The following SMAD3 variants were observed in gnomAD, a reference collection of about 807,000 sequenced individuals.
SMAD3 encodes MAD homolog 3.
A neutral mutation model predicts 51.8 loss-of-function variants in SMAD3; 12 were observed. The observed-to-expected ratio is 0.23, with a 90% CI of 0.15 to 0.38. The LOEUF (loss-of-function observed/expected upper bound fraction) is 0.38, where lower values mean the gene tolerates loss of function less well. SMAD3 is among the 10% of genes least tolerant of loss of function. The pLI, the probability that SMAD3 is intolerant of heterozygous loss-of-function variation, is 1.00. For synonymous variants in SMAD3, 238 were observed against 227.7 expected, an observed-to-expected ratio of 1.05 and a Z score of -0.41; for missense variants, 294 against 565.6, an observed-to-expected ratio of 0.52 and a Z score of 4.87.
rs2140329381 is a variant in SMAD3 at position 67,191,228 on chromosome 15, C to T, written c.*692C>T. On this transcript the variant is annotated 3_prime_UTR_variant, in exon 9 of 9. Transcript: ENST00000327367. ...GATGAGCGCCACCTCTTTAAAAACT[C>T]ACTTACGTTTGTCCTTTTTCACTTT... is the stretch of plus-strand genomic sequence containing the variant. The T allele has an allele frequency of 4.3e-6, 1 of 233,700 alleles. No homozygotes were observed. The highest frequency in any genetic ancestry group is 6.0e-5 in the East Asian group (1 of 16,732). The allele number at this position is 233,700 out of a possible 1,614,324, so 14.5% of individuals were successfully genotyped here. A position where few individuals can be genotyped will look rare whatever the true frequency, so the allele number is the denominator to read the frequency against.
chr15:67,145,179 A>G (rs2140270125), intron 1 of SMAD3, among the ~76,000 whole-genome samples: 1 of 152,322 alleles, frequency 6.6e-6, no homozygotes, highest in East Asian at 1.9e-4. Context: ...AGACTGTCAG[A>G]AAAGGGACCT....
At chr15:67,178,637 T>C (rs1358008185) in intron 5 of SMAD3, among the ~76,000 whole-genome samples, 1 of 151,626 alleles carries the variant, frequency 6.6e-6, no homozygotes, top group African/African-American at 2.4e-5. Context: ...CACTGATACA[T>C]TGCTTGACCA....
intron 1 of SMAD3, among the ~76,000 whole-genome samples, chr15:67,121,938 C>G (rs965741449): frequency 2.0e-5 from 3 of 152,220 alleles, no homozygotes; most frequent in African/African-American, 7.2e-5. Context: ...ATCCACCACC[C>G]TCATGTGGCT....
chr15:67,190,391 C>T (rs747673997), intron 8 of SMAD3, 22 bp from the exon 9 acceptor site: 16 of 1,612,552 alleles, frequency 9.9e-6, no homozygotes, highest in South Asian at 3.3e-5. Context: ...CCCCACCCCA[C>T]CCCTTTCCCT....
intron 1 of SMAD3, among the ~76,000 whole-genome samples, chr15:67,129,735 C>T (rs533913206): frequency 6.6e-6 from 1 of 152,298 alleles, no homozygotes; most frequent in African/African-American, 2.4e-5. Context: ...TTGTTTAATA[C>T]AGTGTATCCC....
intron 1 of SMAD3, among the ~76,000 whole-genome samples, chr15:67,163,944 T>TAAACAAAAA (rs1962499764): frequency 1.1e-5 from 1 of 87,918 alleles, no homozygotes; most frequent in African/African-American, 4.5e-5. Context: ...GTATCAAAAG[T>TAAACAAAAA]AAAAAAAAAA....
At chr15:67,183,725 G>C (rs1275932633) in intron 6 of SMAD3, among the ~76,000 whole-genome samples, 1 of 152,178 alleles carries the variant, frequency 6.6e-6, no homozygotes, top group African/African-American at 2.4e-5. Context: ...CGAGCAAAGA[G>C]CTCATTGTCA....
At chr15:67,131,487 G>T (rs1961524052) in intron 1 of SMAD3, among the ~76,000 whole-genome samples, 1 of 152,210 alleles carries the variant, frequency 6.6e-6, no homozygotes, top group African/African-American at 2.4e-5. Flanking sequence ...CAATCACAGT[G>T]CTCCTGTTGC....
intron 5 of SMAD3, among the ~76,000 whole-genome samples, chr15:67,178,019 C>T (rs1352063259): frequency 1.3e-5 from 2 of 152,358 alleles, no homozygotes; most frequent in Middle Eastern, 3.4e-3. Context: ...GACTTTGCCA[C>T]TGGCCTGATT....
At chr15:67,119,157 A>AGG (rs1961201764) in intron 1 of SMAD3, among the ~76,000 whole-genome samples, 3 of 152,208 alleles carry the variant, frequency 2.0e-5, no homozygotes, top group African/African-American at 7.2e-5. Context: ...GCAGGGAGAG[A>AGG]CAGAGGAAAA....
At chr15:67,074,999 A>G (rs1434500704) in intron 1 of SMAD3, among the ~76,000 whole-genome samples, 1 of 152,022 alleles carries the variant, frequency 6.6e-6, no homozygotes, top group Non-Finnish European at 1.5e-5. Context: ...GCCAAGTTGT[A>G]ACTCTGAGGT....
At chr15:67,111,583 G>A (rs1369371168) in intron 1 of SMAD3, among the ~76,000 whole-genome samples, 1 of 152,182 alleles carries the variant, frequency 6.6e-6, no homozygotes, top group Non-Finnish European at 1.5e-5. Flanking sequence ...TTCCAAAGTG[G>A]TTGTGTGGTT....
chr15:67,170,073 C>T (rs573109779), intron 4 of SMAD3, among the ~76,000 whole-genome samples: 12 of 152,288 alleles, frequency 7.9e-5, no homozygotes, highest in African/African-American at 2.9e-4. Flanking sequence ...AGGTCGGTGG[C>T]TGGTGATGCT....
At chr15:67,160,627 C>T (rs552836245) in intron 1 of SMAD3, among the ~76,000 whole-genome samples, 8 of 151,978 alleles carry the variant, frequency 5.3e-5, no homozygotes, top group South Asian at 2.1e-4. Context: ...AAAAATTAGC[C>T]GGGCGCGGTG....
chr15:67,117,637 G>A (rs185753739), intron 1 of SMAD3, among the ~76,000 whole-genome samples: 1 of 152,206 alleles, frequency 6.6e-6, no homozygotes, highest in Non-Finnish European at 1.5e-5. Context: ...TTGTGAAAGA[G>A]ATGTGGTTTG....
intron 1 of SMAD3, among the ~76,000 whole-genome samples, chr15:67,151,138 C>T (rs1288248221): frequency 2.0e-5 from 3 of 151,776 alleles, no homozygotes; most frequent in Non-Finnish European, 4.4e-5. Context: ...GGATTACAGA[C>T]GTGAGCCACC....
chr15:67,185,789 TTTTCACAGGACGTGCAGCCACTGTG>T, intron 7 of SMAD3, among the ~76,000 whole-genome samples: 1 of 152,298 alleles, frequency 6.6e-6, no homozygotes, highest in Admixed American at 6.5e-5. Flanking sequence ...CAAAGTCCAC[TTTTCACAGGACGTGCAGCCACTGTG>T]TAGGCAGCCC....
intron 1 of SMAD3, among the ~76,000 whole-genome samples, chr15:67,078,717 C>G (rs1388252069): frequency 6.6e-6 from 1 of 152,146 alleles, no homozygotes; most frequent in Non-Finnish European, 1.5e-5. Context: ...CTAGAAACCT[C>G]TTAACTGAAG....
At chr15:67,169,328 C>T (rs1865671919) in intron 4 of SMAD3, among the ~76,000 whole-genome samples, 1 of 152,016 alleles carries the variant, frequency 6.6e-6, no homozygotes, top group South Asian at 2.1e-4. Context: ...TCTTCCCTTG[C>T]CCTCAAGGAG....
Sources: gnomAD v4.1 joint callset for allele counts (sites outside exome capture counted in the v4.1 genomes callset) on GRCh38, gnomAD v4.1.1 for gene constraint, MANE v1.5 for transcripts, NCBI Gene and HGNC (gene_info 2026-07-23, HGNC 2026-07-21) for gene names.